The following KPNA2 variants were observed in gnomAD, a reference collection of about 807,000 sequenced individuals.
The protein encoded by KPNA2 is karyopherin subunit alpha 2, also known as importin subunit alpha-1.
Under a neutral mutation model 53.7 loss-of-function variants are expected in KPNA2, and 20 were observed. The observed-to-expected ratio is 0.37, with a 90% CI of 0.26 to 0.54. KPNA2 has a LOEUF of 0.54. Among genes scored for constraint, KPNA2 ranks in the 20% least tolerant of loss-of-function variants. The pLI is 0.83. For synonymous variants in KPNA2, 238 were observed against 227.5 expected, an observed-to-expected ratio of 1.05 and a Z score of -0.42; for missense variants, 515 against 640.3, an observed-to-expected ratio of 0.80 and a Z score of 2.11.
intron 3 of KPNA2, among the ~76,000 whole-genome samples, chr17:68,040,169 C>CT (rs1555704340): frequency 6.6e-6 from 1 of 151,844 alleles, no homozygotes; most frequent in African/African-American, 2.4e-5. Flanking sequence ...GTGATTGAGA[C>CT]TAACGTAGAA....
Position 68,046,758 on chromosome 17 carries a change from G to A in KPNA2, c.*162G>A. 2.1e-6 allele frequency: 1 copy of A among 469,230 alleles called. No homozygotes were observed. The highest frequency in any genetic ancestry group is 4.1e-5 in the South Asian group (1 of 24,552). 29.1% of individuals were successfully genotyped at this position (469,230 alleles called of 1,614,324 possible). On this transcript the variant is annotated 3_prime_UTR_variant, in exon 11 of 11. Transcript: ENST00000330459. ...CAACTGTACATACATACTGTATGAA[G>A]CTTGTCCTCTGACTAGGTTTCTAAT... is the stretch of plus-strand genomic sequence containing the variant.
Position 68,045,849 on chromosome 17 carries a change from T to G in KPNA2, c.1425T>G (p.Ala475=). 6.2e-7 allele frequency: 1 copy of G among 1,608,692 alleles called. No homozygotes were observed. Among genetic ancestry groups the G allele is most frequent in the Non-Finnish European group, 8.5e-7 (1 of 1,176,984 alleles). ...EECGGLDKIE[A]LQNHENESVY... is the part of the protein sequence containing the mutation. ...GTGGAGGCTTAGACAAAATTGAAGC[T>G]CTACAAAACCATGAAAATGAGTCTG... Residue 475 remains alanine, a synonymous_variant, in exon 10 of 11, where the codon GCT becomes GCG. Transcript: ENST00000330459.
chr17:68,040,818 A>ATT (rs75756883), intron 4 of KPNA2, 52 bp downstream of exon 4: 1,132 of 915,578 alleles, frequency 1.2e-3, no homozygotes, highest in East Asian at 5.0e-3. Flanking sequence ...GTGTTTTTAG[A>ATT]TTTTTTTTTG....
intron 3 of KPNA2, among the ~76,000 whole-genome samples, chr17:68,038,026 G>A (rs2071211031): frequency 6.6e-6 from 1 of 152,058 alleles, no homozygotes; most frequent in Non-Finnish European, 1.5e-5. Flanking sequence ...GCCCAGGCTA[G>A]CGTGCAGTGG....
intron 3 of KPNA2, 94 bp from the exon 4 acceptor site, chr17:68,040,584 A>G: frequency 2.5e-6 from 2 of 798,990 alleles, no homozygotes; most frequent in Non-Finnish European, 2.2e-6. Flanking sequence ...CTATAAGCCT[A>G]ACGATGTTTA....
intron 4 of KPNA2, among the ~76,000 whole-genome samples, chr17:68,041,365 C>A (rs1555704555): frequency 1.3e-5 from 2 of 151,628 alleles, no homozygotes; most frequent in South Asian, 4.2e-4. Context: ...AGTTTGAGAC[C>A]AGCCTGGGCA....
At chr17:68,038,751 T>C (rs1391954137) in intron 3 of KPNA2, among the ~76,000 whole-genome samples, 4 of 152,258 alleles carry the variant, frequency 2.6e-5, no homozygotes, top group South Asian at 2.1e-4. Flanking sequence ...GGCATGGTGG[T>C]TCATGCCTGT....
chr17:68,041,691 A>C (rs2042960975), intron 4 of KPNA2, among the ~76,000 whole-genome samples: 1 of 152,172 alleles, frequency 6.6e-6, no homozygotes, highest in African/African-American at 2.4e-5. Context: ...GTGGCACTGC[A>C]CTCTAGCCTG....
intron 3 of KPNA2, among the ~76,000 whole-genome samples, chr17:68,038,639 C>T (rs1413594987): frequency 1.3e-5 from 2 of 152,072 alleles, no homozygotes; most frequent in Non-Finnish European, 2.9e-5. Context: ...GTGGAGGTTG[C>T]AGTGAGCCAA....
chr17:68,037,423 G>C lies in KPNA2; in HGVS notation c.141G>C (p.Met47Ile). 6.2e-7 allele frequency: 1 copy of C among 1,614,018 alleles called. No homozygotes were observed. The highest frequency in any genetic ancestry group is 8.5e-7 in the Non-Finnish European group (1 of 1,179,898). ...GGAAAGCTAAGAAGGATGACCAGATGCTGAAGAGGAGAAATGTAAGCTCAT... is the reference window on the plus strand; with the variant it reads ...GGAAAGCTAAGAAGGATGACCAGATCCTGAAGAGGAGAAATGTAAGCTCAT... Reference protein sequence around the residue: ...ELRKAKKDDQMLKRRNVSSFP... With the variant: ...ELRKAKKDDQILKRRNVSSFP... The change falls in exon 3 of 11, where the codon ATG becomes ATC. Residue 47 changes from methionine (M) to isoleucine (I), a missense_variant. Physicochemically the swap from Met to Ile is conservative, Grantham distance 10. Transcript: ENST00000330459.
In KPNA2 at chr17:68,042,350, G is replaced by A; in HGVS notation, c.568G>A (p.Ala190Thr). The A allele has an allele frequency of 1.2e-6, 2 of 1,613,628 alleles. No homozygotes were observed. Among genetic ancestry groups the A allele is most frequent in the Non-Finnish European group, 1.7e-6 (2 of 1,179,632 alleles). Residue 190 changes from alanine to threonine, a missense_variant, in exon 5 of 11, where the codon GCA (alanine) becomes ACA (threonine). Ala to Thr is a moderately conservative substitution (Grantham distance 58, BLOSUM62 0). Transcript: ENST00000330459. ...AGCTGTCTGGGCTCTAGGAAACATT[G>A]CAGGTACTTGGACTTGAAGTTCTTT... is the stretch of plus-strand genomic sequence containing the variant. The part of the protein sequence containing the change: ...EQAVWALGNI[A>T]GDGSVFRDLV...
chr17:68,036,529 T>G (rs941488912), intron 1 of KPNA2: 5 of 152,350 alleles, frequency 3.3e-5, no homozygotes, highest in Non-Finnish European at 7.3e-5. Context: ...GGATCTGAAT[T>G]TATTGCCCTG....
Position 68,045,639 on chromosome 17 carries a change from A to G in KPNA2, c.1348-133A>G, listed in dbSNP as rs781832768. 7 of 668,090 alleles carry G rather than the reference A, an allele frequency of 1.0e-5. 1 individual carries two copies. Among genetic ancestry groups the G allele is most frequent in the South Asian group, 5.2e-5 (2 of 38,632 alleles). The allele number at this position is 668,090 out of a possible 1,614,324, so 41.4% of individuals were successfully genotyped here. ...CAAAATATAAAATGGACATAAAACT[A>G]TGATAGGCTTGATGAAGGAATTGTT... On this transcript the variant is annotated intron_variant, in intron 9 of 10. Coordinates refer to ENST00000330459, the MANE Select transcript of KPNA2 (RefSeq NM_002266.4).
intron 9 of KPNA2, 103 bp from the exon 10 acceptor site, chr17:68,045,669 G>C (rs782709519): frequency 6.6e-5 from 55 of 836,516 alleles, no homozygotes; most frequent in Non-Finnish European, 9.8e-5. Flanking sequence ...ATTGTTAGGT[G>C]CTTATTTCTG....
At chr17:68,040,559 A>C (rs1555704391) in intron 3 of KPNA2, 119 bp from the exon 4 acceptor site, 1 of 659,254 alleles carries the variant, frequency 1.5e-6, no homozygotes, top group African/African-American at 1.8e-5. Flanking sequence ...GTAGGGCTAA[A>C]TATTTAGTAG....
intron 6 of KPNA2, 48 bp downstream of exon 6, chr17:68,043,047 C>T: frequency 6.2e-7 from 1 of 1,611,842 alleles, no homozygotes; most frequent in East Asian, 2.2e-5. Context: ...ATTCTAATTT[C>T]CCCCATCTTC....
intron 3 of KPNA2, among the ~76,000 whole-genome samples, chr17:68,038,122 G>A (rs2071212419): frequency 2.0e-5 from 3 of 152,106 alleles, no homozygotes; most frequent in African/African-American, 7.2e-5. Context: ...GACTACAGGC[G>A]CCCGCACCCT....
chr17:68,042,037 T>C (rs1555704617), intron 4 of KPNA2, 48 bp from the exon 5 acceptor site: 1 of 1,519,808 alleles, frequency 6.6e-7, no homozygotes, highest in Non-Finnish European at 9.0e-7. Context: ...CACAAACTCC[T>C]TTTGTTAATC....
In KPNA2 at chr17:68,042,174, C is replaced by T. The variant is rs764623934; in HGVS notation, c.392C>T (p.Thr131Ile). The change falls in exon 5 of 11, where the codon ACT (threonine) becomes ATT (isoleucine). Residue 131 changes from threonine to isoleucine, a missense_variant. Physicochemically the swap from Thr to Ile is moderately conservative, Grantham distance 89 (BLOSUM62 -1). Coordinates refer to ENST00000330459, the MANE Select transcript of KPNA2 (RefSeq NM_002266.4). ...AAATTTGTGTCCTTCTTGGGCAGAA[C>T]TGATTGTAGTCCCATTCAGTTTGAA... is the stretch of plus-strand genomic sequence containing the variant. Reference protein sequence around the residue: ...IPKFVSFLGRTDCSPIQFESA... With the variant: ...IPKFVSFLGRIDCSPIQFESA... The T allele has an allele frequency of 6.2e-7, 1 of 1,613,978 alleles. No homozygotes were observed. The highest frequency in any genetic ancestry group is 8.5e-7 in the Non-Finnish European group (1 of 1,179,878).
Sources: allele counts gnomAD v4.1 joint callset (sites outside exome capture counted in the v4.1 genomes callset), GRCh38; gene constraint gnomAD v4.1.1; transcripts MANE v1.5; gene names NCBI Gene and HGNC (gene_info 2026-07-23, HGNC 2026-07-21).